FLACC1: variants seen among roughly 807,000 people sequenced by gnomAD.
The protein encoded by FLACC1 is flagellum-associated coiled-coil domain-containing protein 1.
Under a neutral mutation model 62.8 loss-of-function variants are expected in FLACC1, and 66 were observed. That is an observed-to-expected ratio of 1.05 (90% CI 0.86 to 1.29). FLACC1 has a LOEUF of 1.29. Ranked by LOEUF, FLACC1 falls within the 50% of genes most tolerant of loss-of-function variation. FLACC1 has a pLI of 0.00. For synonymous variants in FLACC1, 156 were observed against 161.0 expected (o/e 0.97, Z 0.24); for missense variants, 452 against 489.1 (o/e 0.92, Z 0.71).
chr2:201,359,364 A>T (rs1353359673), upstream of FLACC1, among the ~76,000 whole-genome samples: 2 of 152,186 alleles, frequency 1.3e-5, no homozygotes, highest in East Asian at 3.9e-4. Context: ...AGAAGTTCAG[A>T]GGAAGATTCT....
chr2:201,299,268 C>A lies in FLACC1; in HGVS notation c.912G>T (p.Leu304Phe). 6.2e-7 allele frequency: 1 copy of A among 1,613,710 alleles called. No homozygotes were observed. Among genetic ancestry groups the A allele is most frequent in the Non-Finnish European group, 8.5e-7 (1 of 1,179,844 alleles). The change falls in exon 12 of 15, where the codon TTG becomes TTT. Residue 304 changes from leucine (L) to phenylalanine (F), a missense_variant. Coordinates refer to ENST00000392257, the MANE Select transcript of FLACC1 (RefSeq NM_001127391.3). ...ELLKQHQSDT[L>F]QLEELRKTKE... is the part of the protein sequence containing the mutation. The stretch of plus-strand genomic sequence containing the variant: ...TGGTTTTTCTCAGCTCTTCTAATTG[C>A]AAGGTGTCACTTTGATGTTGTTTCA...
chr2:201,298,040 G>A (rs1007538927), intron 12 of FLACC1, among the ~76,000 whole-genome samples: 5 of 152,186 alleles, frequency 3.3e-5, no homozygotes, highest in Non-Finnish European at 7.3e-5. Context: ...GTGGAGTGAT[G>A]TAGGGAAGAA....
chr2:201,306,882 C>T (rs760935858), intron 11 of FLACC1, among the ~76,000 whole-genome samples: 1 of 152,130 alleles, frequency 6.6e-6, no homozygotes, highest in African/African-American at 2.4e-5. Context: ...AAGACTTGAA[C>T]AGGCACTTTA....
chr2:201,341,317 T>C (rs1251358040), intron 7 of FLACC1, among the ~76,000 whole-genome samples: 1 of 151,830 alleles, frequency 6.6e-6, no homozygotes, highest in Non-Finnish European at 1.5e-5. Flanking sequence ...TCTTCACCCA[T>C]ACACATAAGA....
At chr2:201,342,281 T>A in intron 7 of FLACC1, 89 bp downstream of exon 7, 1 of 1,334,308 alleles carries the variant, frequency 7.5e-7, no homozygotes, top group Non-Finnish European at 1.1e-6. Context: ...TTTAGAACTA[T>A]TTGAAGTCCC....
intron 4 of FLACC1, 129 bp downstream of exon 4, chr2:201,348,125 A>G: frequency 1.1e-6 from 1 of 903,562 alleles, no homozygotes; most frequent in Non-Finnish European, 1.6e-6. Context: ...TGCAATATTA[A>G]CAGCACCTCC....
chr2:201,334,098 C>T (rs931154929), intron 7 of FLACC1, among the ~76,000 whole-genome samples: 6 of 152,300 alleles, frequency 3.9e-5, no homozygotes, highest in East Asian at 1.9e-4. Flanking sequence ...TTTTAATGAT[C>T]GCCATTCTAA....
intron 1 of FLACC1, among the ~76,000 whole-genome samples, chr2:201,354,410 T>C (rs190734100): frequency 1.3e-5 from 2 of 152,220 alleles, no homozygotes; most frequent in Admixed American, 1.3e-4. Context: ...GGCCTGGGAC[T>C]AGGGAGTCTT....
chr2:201,323,984 A>G (rs1017974797), intron 9 of FLACC1, among the ~76,000 whole-genome samples: 13 of 152,072 alleles, frequency 8.5e-5, no homozygotes, highest in Non-Finnish European at 5.9e-5. Context: ...TAACATGATG[A>G]AGAGAAGAGT....
intron 7 of FLACC1, among the ~76,000 whole-genome samples, chr2:201,341,779 A>G (rs1375644621): frequency 6.6e-6 from 1 of 152,162 alleles, no homozygotes; most frequent in African/African-American, 2.4e-5. Context: ...TTCACCCTAC[A>G]TATTTGCAAC....
intron 9 of FLACC1, among the ~76,000 whole-genome samples, chr2:201,319,997 C>G (rs1390785256): frequency 6.6e-6 from 1 of 152,184 alleles, no homozygotes; most frequent in Non-Finnish European, 1.5e-5. Context: ...ATACACACCC[C>G]CACTGTGGAC....
rs769697954 is a variant in FLACC1, at chr2:201,351,362, A to C, written c.43T>G (p.Trp15Gly). Residue 15 changes from tryptophan (W) to glycine (G), a missense_variant, in exon 2 of 15, where the codon TGG becomes GGG. Trp to Gly is a radical substitution (Grantham distance 184, BLOSUM62 -2). This residue lies in a region of FLACC1 where 147 missense variants were observed against 152.7 expected (regional missense o/e 0.96). Coordinates refer to ENST00000392257, the MANE Select transcript of FLACC1 (RefSeq NM_001127391.3). Reference sequence around the variant, plus strand: ...ATTAGCTTCCGTGGTCCCAAGTTCCAGGGGTCCCAGCAGGTGCAGTAGATG... The same window carrying C: ...ATTAGCTTCCGTGGTCCCAAGTTCCCGGGGTCCCAGCAGGTGCAGTAGATG... ...PLIYCTCWDP[W>G]NLGPRKLIKT... 6.2e-7 allele frequency: 1 copy of C among 1,614,110 alleles called. No homozygotes were observed.
chr2:201,358,354 T>C (rs1380305689), upstream of FLACC1, among the ~76,000 whole-genome samples: 1 of 151,930 alleles, frequency 6.6e-6, no homozygotes, highest in African/African-American at 2.4e-5. Flanking sequence ...GCGATCCTTC[T>C]GCCTCAGACT....
chr2:201,336,959 T>C (rs1429548515), intron 7 of FLACC1, among the ~76,000 whole-genome samples: 3 of 152,236 alleles, frequency 2.0e-5, no homozygotes, highest in Non-Finnish European at 4.4e-5. Flanking sequence ...TGTCTTCTTT[T>C]AAGAAATGTC....
chr2:201,347,848 C>T (rs1950947863), intron 4 of FLACC1, among the ~76,000 whole-genome samples: 1 of 152,214 alleles, frequency 6.6e-6, no homozygotes, highest in Admixed American at 6.5e-5. Context: ...TTCTCATCAC[C>T]TTCTCCAGTG....
upstream of FLACC1, among the ~76,000 whole-genome samples, chr2:201,360,797 G>T (rs72937106): frequency 0.089 from 13,478 of 152,264 alleles, 727 homozygotes; most frequent in African/African-American, 0.14. Flanking sequence ...GTGGGCCCGG[G>T]CTGGGTGCAG....
At chr2:201,349,599 T>C (rs1448697263) in intron 3 of FLACC1, among the ~76,000 whole-genome samples, 3 of 152,140 alleles carry the variant, frequency 2.0e-5, no homozygotes, top group African/African-American at 7.2e-5. Context: ...TCAATAAATA[T>C]TTTCCAAAAA....
At chr2:201,352,620 A>G (rs1036851000) in intron 1 of FLACC1, among the ~76,000 whole-genome samples, 2 of 152,208 alleles carry the variant, frequency 1.3e-5, no homozygotes, top group African/African-American at 4.8e-5. Flanking sequence ...GATGGAGCCA[A>G]TTCACACATC....
At chr2:201,358,638 C>T (rs927852497), upstream of FLACC1, among the ~76,000 whole-genome samples, 1 of 151,916 alleles carries the variant, frequency 6.6e-6, no homozygotes, top group African/African-American at 2.4e-5. Flanking sequence ...GGGATGGTCT[C>T]GATCTCCTGA....
Sources: gnomAD v4.1 joint callset for allele counts (sites outside exome capture counted in the v4.1 genomes callset) on GRCh38, gnomAD v4.1.1 for gene constraint, gnomAD v4.1.1 regional missense constraint, MANE v1.5 for transcripts, NCBI Gene and HGNC (gene_info 2026-07-23, HGNC 2026-07-21) for gene names.